Variants in ITPK1 observed in about 807,000 individuals in gnomAD.
The protein encoded by ITPK1 is inositol-tetrakisphosphate 1-kinase.
A neutral mutation model predicts 45.3 loss-of-function variants in ITPK1; 21 were observed. That is an observed-to-expected ratio of 0.46 (90% CI 0.33 to 0.67). The LOEUF (loss-of-function observed/expected upper bound fraction) is 0.67, where lower values mean the gene tolerates loss of function less well. Among genes scored for constraint, ITPK1 ranks in the 30% least tolerant of loss-of-function variants. ITPK1 has a pLI of 0.02. For missense variants in ITPK1, 474 were observed against 573.5 expected, an observed-to-expected ratio of 0.83 and a Z score of 1.77; for synonymous variants, 258 against 253.6, an observed-to-expected ratio of 1.02 and a Z score of -0.16.
chr14:93,005,956 C>T (rs1192683557), intron 4 of ITPK1, among the ~76,000 whole-genome samples: 3 of 152,154 alleles, frequency 2.0e-5, no homozygotes, highest in African/African-American at 7.2e-5. Flanking sequence ...CCCCATTGTA[C>T]AGGGGCTGTG....
Position 92,958,302 on chromosome 14 carries a change from A to C in ITPK1, c.569T>G (p.Phe190Cys). ...AIQPPCVVQN[F>C]INHNAVLYKV... The stretch of plus-strand genomic sequence containing the variant: ...GTACAGGACGGCGTTGTGGTTGATG[A>C]AATTCTGGACCACGCAGGGTGGCTG... The change falls in exon 8 of 11, where the codon TTC becomes TGC. Residue 190 changes from phenylalanine to cysteine, a missense_variant. By Grantham distance (205) the Phe-to-Cys change is radical (BLOSUM62 -2). This residue lies in a region of ITPK1 where 367 missense variants were observed against 480.6 expected (regional missense o/e 0.76). Transcript: ENST00000267615. The surrounding 1 kb of genome is among the most constrained non-coding windows in gnomAD (Gnocchi z 4.4). The C allele has an allele frequency of 6.2e-7, 1 of 1,614,162 alleles. No homozygotes were observed. The highest frequency in any genetic ancestry group is 8.5e-7 in the Non-Finnish European group (1 of 1,180,028).
intron 3 of ITPK1, among the ~76,000 whole-genome samples, chr14:93,043,014 CA>C (rs11370882): frequency 1.3e-5 from 2 of 148,958 alleles, no homozygotes; most frequent in Non-Finnish European, 3.0e-5. Context: ...GAGACTGTCT[CA>C]AAAAAAAAAG....
intron 8 of ITPK1, among the ~76,000 whole-genome samples, chr14:92,956,832 A>C (rs1884760402): frequency 1.3e-5 from 2 of 152,226 alleles, no homozygotes; most frequent in Admixed American, 1.3e-4. Flanking sequence ...ACTTGGAGGA[A>C]TATCTCTTGG....
intron 5 of ITPK1, among the ~76,000 whole-genome samples, chr14:92,975,108 A>G (rs192654897): frequency 1.3e-4 from 20 of 152,318 alleles, no homozygotes; most frequent in Non-Finnish European, 2.6e-4. Flanking sequence ...AGCCCAGCCT[A>G]AGGCTGAGCC....
chr14:93,018,854 T>C (rs995900324), intron 3 of ITPK1, among the ~76,000 whole-genome samples: 8 of 152,214 alleles, frequency 5.3e-5, no homozygotes, highest in Non-Finnish European at 1.2e-4. Context: ...GCGGCCAGGA[T>C]GGAGGCTGTG....
At position 93,012,437 on chromosome 14, in the gene ITPK1, AG is replaced by A. The variant is rs1472633089; in HGVS notation, c.246+4238del. On this transcript the variant is annotated intron_variant, in intron 4 of 10. Coordinates refer to ENST00000267615, the MANE Select transcript of ITPK1 (RefSeq NM_014216.6). This position sits in a 1 kb window ranked among gnomAD's most constrained non-coding sequence, Gnocchi z 4.9. Reference sequence around the variant, plus strand: ...CACATCAGAGCCTGGGCAGCTGCTGAGGGGGCCAGGGAAGGAGCGGGTGGGG... The same window carrying A: ...CACATCAGAGCCTGGGCAGCTGCTGAGGGGCCAGGGAAGGAGCGGGTGGGG... 6.6e-6 allele frequency among the ~76,000 whole-genome samples: 1 copy of A among 152,128 alleles called. No individual in the cohort carries two copies. Among genetic ancestry groups the A allele is most frequent in the East Asian group, 1.9e-4 (1 of 5,190 alleles).
At position 92,941,460 on chromosome 14, in the gene ITPK1, G is replaced by A; in HGVS notation, c.*101C>T. The A allele has an allele frequency of 7.0e-7, 1 of 1,431,940 alleles. No homozygotes were observed. Among genetic ancestry groups the A allele is most frequent in the Non-Finnish European group, 9.1e-7 (1 of 1,100,270 alleles). The allele number at this position is 1,431,940 out of a possible 1,614,324, so 88.7% of individuals were successfully genotyped here. ...TAAAAATTAAAAAACAGAAGAATCA[G>A]ATCACTGGGGATTCTTAGTAGTAGC... On this transcript the variant is annotated 3_prime_UTR_variant, in exon 11 of 11. Transcript: ENST00000267615.
chr14:92,996,962 C>T (rs1793008637), intron 4 of ITPK1, among the ~76,000 whole-genome samples: 1 of 152,170 alleles, frequency 6.6e-6, no homozygotes, highest in South Asian at 2.1e-4. Flanking sequence ...GTAAAGATGG[C>T]CTCTGGTTCC....
chr14:93,024,872 G>A (rs1888656749), intron 3 of ITPK1, among the ~76,000 whole-genome samples: 1 of 152,160 alleles, frequency 6.6e-6, no homozygotes, highest in Non-Finnish European at 1.5e-5. Flanking sequence ...CATCAGGAAG[G>A]GGAGTGGGCC....
At chr14:92,988,902 T>G (rs1886638024) in intron 5 of ITPK1, among the ~76,000 whole-genome samples, 8 of 152,176 alleles carry the variant, frequency 5.3e-5, no homozygotes, top group Admixed American at 5.2e-4. Context: ...AGCACCTGCC[T>G]AAGCGCTGAC....
intron 5 of ITPK1, among the ~76,000 whole-genome samples, chr14:92,991,927 C>T (rs1332091631): frequency 6.6e-6 from 1 of 152,210 alleles, no homozygotes; most frequent in Non-Finnish European, 1.5e-5. Context: ...GCTCTGCAGA[C>T]ATCATCCCAG....
At chr14:93,020,017 C>T (rs967206328) in intron 3 of ITPK1, among the ~76,000 whole-genome samples, 4 of 152,220 alleles carry the variant, frequency 2.6e-5, no homozygotes, top group African/African-American at 9.6e-5. Flanking sequence ...GGCTGCCCGC[C>T]GGGGCCTGAG....
At chr14:93,062,351 G>T (rs1463124605) in intron 3 of ITPK1, among the ~76,000 whole-genome samples, 2 of 151,878 alleles carry the variant, frequency 1.3e-5, no homozygotes, top group African/African-American at 4.8e-5. Flanking sequence ...GATTGCTTGA[G>T]CCCAGGAGTT....
intron 2 of ITPK1, among the ~76,000 whole-genome samples, chr14:93,102,891 G>C (rs975010016): frequency 3.3e-5 from 5 of 151,970 alleles, no homozygotes; most frequent in African/African-American, 1.2e-4. Context: ...ACGAGGTCAG[G>C]AGATCGAGAC....
At position 92,938,392 on chromosome 14, in the gene ITPK1, CG is replaced by C. The variant is rs1408295976; in HGVS notation, c.*3168del. 2 of 1,008,768 alleles carry C rather than the reference CG, an allele frequency of 2.0e-6. No homozygotes were observed. The highest frequency in any genetic ancestry group is 3.6e-5 in the Admixed American group (2 of 56,114). 62.5% of individuals were successfully genotyped at this position (1,008,768 alleles called of 1,614,324 possible). A position where few individuals can be genotyped will look rare whatever the true frequency, so the allele number is the denominator to read the frequency against. On this transcript the variant is annotated 3_prime_UTR_variant, in exon 11 of 11. Coordinates refer to ENST00000267615, the MANE Select transcript of ITPK1 (RefSeq NM_014216.6). ...TGGTCTTCCAGGCTAGAAGGACAAA[CG>C]ACAGGCTGGCTCCCTTGGTCTTGGG...
intron 2 of ITPK1, among the ~76,000 whole-genome samples, chr14:93,084,530 C>G (rs1172852884): frequency 1.3e-5 from 2 of 152,054 alleles, no homozygotes; most frequent in Non-Finnish European, 2.9e-5. Context: ...ATCCAGAGTG[C>G]ATGCTGAATG....
chr14:92,998,159 G>A (rs761069985), intron 4 of ITPK1, among the ~76,000 whole-genome samples: 1 of 152,210 alleles, frequency 6.6e-6, no homozygotes, highest in Non-Finnish European at 1.5e-5. Flanking sequence ...AAAGCCTACC[G>A]GAGGCAGCTG....
chr14:92,953,108 G>A (rs368256154), intron 8 of ITPK1, among the ~76,000 whole-genome samples: 10 of 152,252 alleles, frequency 6.6e-5, no homozygotes, highest in African/African-American at 9.6e-5. Context: ...GGGCCGCTGC[G>A]TGCTGGGGGC....
intron 3 of ITPK1, among the ~76,000 whole-genome samples, chr14:93,018,136 G>A (rs1052222243): frequency 6.6e-6 from 1 of 152,184 alleles, no homozygotes; most frequent in Non-Finnish European, 1.5e-5. Flanking sequence ...CGGGCCAACT[G>A]GAGGCACAGC....
Sources: gnomAD v4.1 joint callset for allele counts (sites outside exome capture counted in the v4.1 genomes callset) on GRCh38, gnomAD v4.1.1 for gene constraint, gnomAD v4.1.1 regional missense constraint, Gnocchi (gnomAD v3.1) non-coding constraint, MANE v1.5 for transcripts, NCBI Gene and HGNC (gene_info 2026-07-23, HGNC 2026-07-21) for gene names.